Variants in ANGPT1 observed in about 807,000 individuals in gnomAD.
The protein encoded by ANGPT1 is angiopoietin 1.
A neutral mutation model predicts 62.2 loss-of-function variants in ANGPT1; 17 were observed. The ratio of observed to expected loss-of-function variants is 0.27; its 90% confidence interval spans 0.19 to 0.41. The LOEUF is 0.41. Among genes scored for constraint, ANGPT1 ranks in the 10% least tolerant of loss-of-function variants. The probability of loss-of-function intolerance (pLI) is 1.00; values close to 1 mark genes in which losing one functional copy is unlikely to be tolerated. For synonymous variants in ANGPT1, 199 were observed against 198.9 expected, an observed-to-expected ratio of 1.00 and a Z score of 0.00; for missense variants, 478 against 594.9, an observed-to-expected ratio of 0.80 and a Z score of 2.04.
intron 1 of ANGPT1, among the ~76,000 whole-genome samples, chr8:107,484,214 T>C (rs1812757786): frequency 6.6e-6 from 1 of 152,170 alleles, no homozygotes; most frequent in Non-Finnish European, 1.5e-5. Flanking sequence ...AGAGTATGGG[T>C]TCAAATTCTG....
At chr8:107,371,763 C>T (rs753500425) in intron 1 of ANGPT1, among the ~76,000 whole-genome samples, 5 of 151,940 alleles carry the variant, frequency 3.3e-5, no homozygotes, top group African/African-American at 4.8e-5. Context: ...CTTATGCTGT[C>T]TTCCACCTGC....
intron 1 of ANGPT1, among the ~76,000 whole-genome samples, chr8:107,462,359 A>G (rs940946431): frequency 2.0e-5 from 3 of 151,878 alleles, no homozygotes; most frequent in Non-Finnish European, 4.4e-5. Flanking sequence ...GCCTCTTGTG[A>G]AGGAGTCAAT....
intron 1 of ANGPT1, among the ~76,000 whole-genome samples, chr8:107,431,761 A>G (rs1811193311): frequency 6.6e-6 from 1 of 151,506 alleles, no homozygotes; most frequent in South Asian, 2.1e-4. Context: ...TCAAAGTATC[A>G]TGCTAGGCAC....
At chr8:107,461,279 G>A (rs1164418017) in intron 1 of ANGPT1, among the ~76,000 whole-genome samples, 1 of 152,042 alleles carries the variant, frequency 6.6e-6, no homozygotes, top group African/African-American at 2.4e-5. Flanking sequence ...ATTACACTAG[G>A]ACCAACATAA....
At chr8:107,310,193 A>C (rs1183960171) in intron 4 of ANGPT1, among the ~76,000 whole-genome samples, 1 of 152,162 alleles carries the variant, frequency 6.6e-6, no homozygotes, top group Non-Finnish European at 1.5e-5. Context: ...CTATGTGGTA[A>C]ACTCTGAATT....
At chr8:107,336,847 T>C (rs939916893) in intron 2 of ANGPT1, among the ~76,000 whole-genome samples, 1 of 152,166 alleles carries the variant, frequency 6.6e-6, no homozygotes, top group African/African-American at 2.4e-5. Flanking sequence ...TTGCTTCATA[T>C]ATTTTATCTC....
chr8:107,466,607 C>A (rs181911799), intron 1 of ANGPT1, among the ~76,000 whole-genome samples: 46 of 152,132 alleles, frequency 3.0e-4, no homozygotes, highest in Non-Finnish European at 3.4e-4. Context: ...GCATGAACAT[C>A]GGTTGTTAAA....
Position 107,255,138 on chromosome 8 carries a change from G to A in ANGPT1, c.1337-3123C>T, listed in dbSNP as rs146784216. ...CAAACAAAATGCTACACATTGAGAT[G>A]ATAGCCGTTAAACTAAGAGAAGAAG... is the stretch of plus-strand genomic sequence containing the variant. On this transcript the variant is annotated intron_variant, in intron 8 of 8. Coordinates refer to ENST00000517746, the MANE Select transcript of ANGPT1 (RefSeq NM_001146.5). 2.0e-3 allele frequency among the ~76,000 whole-genome samples: 311 copies of A among 152,088 alleles called. 1 individual carries two copies. Among genetic ancestry groups the A allele is most frequent in the African/African-American group, 7.0e-3 (288 of 41,356 alleles).
chr8:107,389,072 T>A (rs1816786505), intron 1 of ANGPT1, among the ~76,000 whole-genome samples: 1 of 152,138 alleles, frequency 6.6e-6, no homozygotes, highest in African/African-American at 2.4e-5. Context: ...CAATTCTACA[T>A]CCTTTATAGC....
intron 8 of ANGPT1, among the ~76,000 whole-genome samples, chr8:107,260,628 C>T (rs1447038051): frequency 6.6e-6 from 1 of 152,150 alleles, no homozygotes; most frequent in Non-Finnish European, 1.5e-5. Context: ...TGACATTCAT[C>T]CTTATGTTCT....
At chr8:107,319,228 T>A (rs369434877) in intron 4 of ANGPT1, among the ~76,000 whole-genome samples, 2 of 152,196 alleles carry the variant, frequency 1.3e-5, no homozygotes, top group East Asian at 1.9e-4. Flanking sequence ...TTATACATGA[T>A]GAGACAGCTT....
chr8:107,434,161 A>T (rs188695983), intron 1 of ANGPT1, among the ~76,000 whole-genome samples: 22 of 152,336 alleles, frequency 1.4e-4, no homozygotes, highest in African/African-American at 5.0e-4. Flanking sequence ...ATATCTAAGT[A>T]GAGAGAAAAG....
In ANGPT1 at chr8:107,336,463, A is replaced by T. The variant is rs541357554; in HGVS notation, c.454-192T>A. ...GGTGGATCACGAGGTCAAGAGATCGAGACCATCCTGGCAAACATGGTGAAA... is the reference window on the plus strand; with the variant it reads ...GGTGGATCACGAGGTCAAGAGATCGTGACCATCCTGGCAAACATGGTGAAA... On this transcript the variant is annotated intron_variant, in intron 2 of 8. Coordinates refer to ENST00000517746, the MANE Select transcript of ANGPT1 (RefSeq NM_001146.5). The T allele has an allele frequency of 4.3e-5, 34 of 789,652 alleles. No homozygotes were observed. The Admixed American group carries it at 5.7e-4, about 13-fold the overall frequency. 48.9% of individuals were successfully genotyped at this position (789,652 alleles called of 1,614,324 possible). A position where few individuals can be genotyped will look rare whatever the true frequency, so the allele number is the denominator to read the frequency against.
chr8:107,378,168 C>T (rs996979619), intron 1 of ANGPT1, among the ~76,000 whole-genome samples: 1 of 152,172 alleles, frequency 6.6e-6, no homozygotes, highest in Non-Finnish European at 1.5e-5. Flanking sequence ...GGTTTAGACA[C>T]ACTTGAATTT....
intron 1 of ANGPT1, among the ~76,000 whole-genome samples, chr8:107,422,550 TG>T (rs1810920158): frequency 6.6e-6 from 1 of 152,214 alleles, no homozygotes; most frequent in African/African-American, 2.4e-5. Context: ...GGTCAGGCTT[TG>T]GAAATCTTGG....
chr8:107,423,827 C>CTTTTTTTTTTTTTTTT (rs869079818), intron 1 of ANGPT1, among the ~76,000 whole-genome samples: 3 of 74,436 alleles, frequency 4.0e-5, no homozygotes, highest in Non-Finnish European at 7.0e-5. Context: ...CTTTTCCTTT[C>CTTTTTTTTTTTTTTTT]TTTTTTTTTT....
At chr8:107,413,121 C>T (rs1378361732) in intron 1 of ANGPT1, among the ~76,000 whole-genome samples, 3 of 152,092 alleles carry the variant, frequency 2.0e-5, no homozygotes, top group Admixed American at 1.3e-4. Context: ...GTTTACTCAG[C>T]CCTGGGTGAA....
intron 1 of ANGPT1, among the ~76,000 whole-genome samples, chr8:107,367,915 C>A (rs1816309396): frequency 6.6e-6 from 1 of 152,126 alleles, no homozygotes; most frequent in African/African-American, 2.4e-5. Flanking sequence ...AGTCTTGAAC[C>A]CCTTAAAATC....
intron 7 of ANGPT1, among the ~76,000 whole-genome samples, chr8:107,268,105 T>A (rs2130055688): frequency 6.6e-6 from 1 of 152,216 alleles, no homozygotes; most frequent in East Asian, 1.9e-4. Flanking sequence ...ATAGACTATG[T>A]CTTACTCATC....
Sources: allele counts gnomAD v4.1 joint callset (sites outside exome capture counted in the v4.1 genomes callset), GRCh38; gene constraint gnomAD v4.1.1; transcripts MANE v1.5; gene names NCBI Gene and HGNC (gene_info 2026-07-23, HGNC 2026-07-21).